STON1: variants seen among roughly 807,000 people sequenced by gnomAD.
STON1 encodes the protein stonin 1.
Under a neutral mutation model 60.9 loss-of-function variants are expected in STON1, and 79 were observed. The observed-to-expected ratio is 1.30, with a 90% CI of 1.08 to 1.56. The LOEUF is 1.56. Among genes scored for constraint, STON1 ranks in the 40% most tolerant of loss-of-function variants. The pLI is 0.00. For synonymous variants in STON1, 363 were observed against 306.9 expected (o/e 1.18, Z -1.91); for missense variants, 1,166 against 858.9 (o/e 1.36, Z -4.47).
chr2:48,581,454 C>T lies in STON1; in HGVS notation c.821C>T (p.Ser274Phe), dbSNP rs149471025. Residue 274 changes from serine (S) to phenylalanine (F), a missense_variant, in exon 2 of 4, where the codon TCC (serine) becomes TTC (phenylalanine). Ser to Phe is a radical substitution (Grantham distance 155). Transcript: ENST00000404752. Reference sequence around the variant, plus strand: ...ACACTCTTCAGGAGTCAGCCAAAATCCGGATGGTCTTTCATGCTGAGAATT... The same window carrying T: ...ACACTCTTCAGGAGTCAGCCAAAATTCGGATGGTCTTTCATGCTGAGAATT... Reference protein sequence around the residue: ...PHTLFRSQPKSGWSFMLRIPE... With the variant: ...PHTLFRSQPKFGWSFMLRIPE... 1.9e-6 allele frequency: 3 copies of T among 1,614,086 alleles called. No homozygotes were observed. In the African/African-American group the frequency reaches 4.0e-5, roughly 22 times the overall value.
At chr2:48,575,755 G>GTTTTTTTTTTTTTTTTTTTTTT (rs199808169) in intron 1 of STON1, among the ~76,000 whole-genome samples, 1 of 109,736 alleles carries the variant, frequency 9.1e-6, no homozygotes. Flanking sequence ...TTTAGTTTTT[G>GTTTTTTTTTTTTTTTTTTTTTT]TTTGTTTTTT....
At chr2:48,567,127 G>T (rs1193909677) in intron 1 of STON1, among the ~76,000 whole-genome samples, 3 of 152,202 alleles carry the variant, frequency 2.0e-5, no homozygotes, top group African/African-American at 7.2e-5. Flanking sequence ...ATATTTGAAA[G>T]CATGGTTAGG....
chr2:48,561,711 A>G (rs949729755), intron 1 of STON1, among the ~76,000 whole-genome samples: 1 of 152,270 alleles, frequency 6.6e-6, no homozygotes. Flanking sequence ...GACACTGCCA[A>G]ATGTTTCCTG....
intron 1 of STON1, among the ~76,000 whole-genome samples, chr2:48,569,796 A>G (rs1673108267): frequency 6.6e-6 from 1 of 152,246 alleles, no homozygotes; most frequent in Non-Finnish European, 1.5e-5. Context: ...TGCTCAGACC[A>G]GAAGTGTTTT....
At chr2:48,555,343 C>T (rs1472097172) in intron 1 of STON1, among the ~76,000 whole-genome samples, 1 of 51,322 alleles carries the variant, frequency 1.9e-5, no homozygotes, top group Non-Finnish European at 4.2e-5. Flanking sequence ...ACCTCCCTCC[C>T]GGATGGGGCG....
At chr2:48,564,475 T>C (rs1385635833) in intron 1 of STON1, among the ~76,000 whole-genome samples, 51 of 52,388 alleles carry the variant, frequency 9.7e-4, no homozygotes, top group African/African-American at 2.4e-3. Flanking sequence ...TTCTTCTTCT[T>C]CTTCTTTCTT....
At chr2:48,582,700 A>G in intron 2 of STON1, 137 bp downstream of exon 2, 4 of 1,397,478 alleles carry the variant, frequency 2.9e-6, no homozygotes, top group Non-Finnish European at 3.8e-6. Flanking sequence ...GAGATGGAAC[A>G]TTTAGCTAAA....
rs559592893 is a variant in STON1, at chr2:48,566,263, C to T, written c.-47-14324C>T. 4.5e-4 allele frequency among the ~76,000 whole-genome samples: 68 copies of T among 152,306 alleles called. 1 individual carries two copies. Among genetic ancestry groups the T allele is most frequent in the Admixed American group, 2.9e-3 (44 of 15,298 alleles). ...CCATCTTGGCTCACTGCAACCTCCA[C>T]CTCCCAGGTTCAAGTGATTCTCCTG... On this transcript the variant is annotated intron_variant, in intron 1 of 3. Coordinates refer to ENST00000404752, the MANE Select transcript of STON1 (RefSeq NM_006873.4).
At chr2:48,595,125 G>A in intron 3 of STON1, 103 bp from the exon 4 acceptor site, 1 of 872,412 alleles carries the variant, frequency 1.1e-6, no homozygotes, top group Non-Finnish European at 1.9e-6. Context: ...TCCAAAGGGT[G>A]AGGTTTGTGC....
intron 1 of STON1, among the ~76,000 whole-genome samples, chr2:48,550,380 C>T (rs1458318632): frequency 6.7e-6 from 1 of 149,398 alleles, no homozygotes; most frequent in Non-Finnish European, 1.5e-5. Flanking sequence ...GCCTGTAATC[C>T]CAGCTACTTG....
intron 1 of STON1, among the ~76,000 whole-genome samples, chr2:48,575,378 G>A (rs896221493): frequency 6.6e-6 from 1 of 152,148 alleles, no homozygotes; most frequent in Non-Finnish European, 1.5e-5. Context: ...GATAGGCTGG[G>A]TTCTGTGGCT....
chr2:48,564,536 T>C (rs1391620654), intron 1 of STON1, among the ~76,000 whole-genome samples: 13 of 49,858 alleles, frequency 2.6e-4, no homozygotes, highest in Non-Finnish European at 4.1e-4. Flanking sequence ...TTCTTCTTCT[T>C]CTTCTTCTTC....
chr2:48,554,721 TTTTTA>T lies in STON1; in HGVS notation c.-48+24509_-48+24513del, dbSNP rs1359714581. 3.0e-3 allele frequency among the ~76,000 whole-genome samples: 182 copies of T among 60,502 alleles called. 17 individuals are homozygous for T. The Middle Eastern group carries it at 0.045, about 15-fold the overall frequency. 39.7% of individuals were successfully genotyped at this position (60,502 alleles called of 152,430 possible). A position where few individuals can be genotyped will look rare whatever the true frequency, so the allele number is the denominator to read the frequency against. On this transcript the variant is annotated intron_variant, in intron 1 of 3. Coordinates refer to ENST00000404752, the MANE Select transcript of STON1 (RefSeq NM_006873.4). ...TTAAGTGCAAAATTTTTTTTTTTTT[TTTTTA>T]TTTATTTATTTATTTTTTTATTGAT...
At position 48,554,707 on chromosome 2, in the gene STON1, ATTTTTTTTTT is replaced by A. The variant is rs11475306; in HGVS notation, c.-48+24500_-48+24509del. Among the ~76,000 whole-genome samples the A allele has an allele frequency of 1.4e-4, 12 of 88,804 alleles. 1 individual carries two copies. Among genetic ancestry groups the A allele is most frequent in the African/African-American group, 4.6e-4 (10 of 21,572 alleles). 58.3% of individuals were successfully genotyped at this position (88,804 alleles called of 152,430 possible). ...TTTCTACTCAAACTTTAAGTGCAAA[ATTTTTTTTTT>A]TTTTTTTTATTTATTTATTTATTTT... is the stretch of plus-strand genomic sequence containing the variant. On this transcript the variant is annotated intron_variant, in intron 1 of 3. Coordinates refer to ENST00000404752, the MANE Select transcript of STON1 (RefSeq NM_006873.4).
rs542845607 is a variant in STON1 at position 48,561,647 on chromosome 2, C to G, written c.-47-18940C>G. On this transcript the variant is annotated intron_variant, in intron 1 of 3. Transcript: ENST00000404752. ...TAGCAGCATCTCTGGCCCCTACTTA[C>G]TAGACGCTAGTAGCATTCCTGATTG... Among the ~76,000 whole-genome samples the G allele has an allele frequency of 2.6e-5, 4 of 152,176 alleles. No homozygotes were observed. The South Asian group carries it at 6.2e-4, about 24-fold the overall frequency.
rs1479591843 is a variant in STON1 at position 48,564,599 on chromosome 2, C to CTTTT, written c.-47-15988_-47-15987insTTTT. ...TCCTTCTCCTCCTCCTCCTCCTCCT[C>CTTTT]CTCCTTCTCCTTCTCCTTCTCCTTC... On this transcript the variant is annotated intron_variant, in intron 1 of 3. Transcript: ENST00000404752. 1.8e-4 allele frequency among the ~76,000 whole-genome samples: 8 copies of CTTTT among 43,882 alleles called. 1 individual carries two copies. The highest frequency in any genetic ancestry group is 2.5e-4 in the Non-Finnish European group (5 of 19,740). 28.8% of individuals were successfully genotyped at this position (43,882 alleles called of 152,430 possible).
intron 1 of STON1, among the ~76,000 whole-genome samples, chr2:48,550,517 A>C (rs1435334023): frequency 6.7e-6 from 1 of 149,456 alleles, no homozygotes; most frequent in Non-Finnish European, 1.5e-5. Flanking sequence ...AAAAGACAAA[A>C]ACCCCACATA....
At chr2:48,536,285 C>T (rs1022266268) in intron 1 of STON1, among the ~76,000 whole-genome samples, 2 of 150,732 alleles carry the variant, frequency 1.3e-5, no homozygotes, top group Non-Finnish European at 3.0e-5. Context: ...TGGTGGCTCA[C>T]GCTTGTAATC....
rs780215211 is a variant in STON1 at position 48,582,214 on chromosome 2, C to T, written c.1581C>T (p.Pro527=). ...CTTTGTATAATGGGGATAATCTTCCCTTTTCCTTGAAGTCTGTAGTGGTTG... is the reference window on the plus strand; with the variant it reads ...CTTTGTATAATGGGGATAATCTTCCTTTTTCCTTGAAGTCTGTAGTGGTTG... ...FKTLYNGDNL[P]FSLKSVVVVQ... The change falls in exon 2 of 4, where the codon CCC becomes CCT. Residue 527 remains proline, a synonymous_variant. Transcript: ENST00000404752. 6.2e-7 allele frequency: 1 copy of T among 1,614,198 alleles called. No homozygotes were observed. Among genetic ancestry groups the T allele is most frequent in the South Asian group, 1.1e-5 (1 of 91,086 alleles).
Sources: allele counts gnomAD v4.1 joint callset (sites outside exome capture counted in the v4.1 genomes callset), GRCh38; gene constraint gnomAD v4.1.1; transcripts MANE v1.5; gene names NCBI Gene and HGNC (gene_info 2026-07-23, HGNC 2026-07-21).